The following KCNQ1 variants were observed in gnomAD, a reference collection of about 807,000 sequenced individuals.
The protein encoded by KCNQ1 is potassium voltage-gated channel subfamily Q member 1, also known as potassium voltage-gated channel subfamily KQT member 1.
A neutral mutation model predicts 72.4 loss-of-function variants in KCNQ1; 49 were observed. That is an observed-to-expected ratio of 0.68 (90% CI 0.54 to 0.86). The LOEUF is 0.86. KCNQ1 is among the 40% of genes least tolerant of loss of function. KCNQ1 has a pLI of 0.00. For missense variants in KCNQ1, 790 were observed against 945.1 expected, an observed-to-expected ratio of 0.84 and a Z score of 2.15; for synonymous variants, 450 against 412.6, an observed-to-expected ratio of 1.09 and a Z score of -1.10.
rs954873286 is a variant in KCNQ1 at position 2,658,674 on chromosome 11, G to A, written c.1394-3287G>A. ...TCATTGCTTCAGTCTCCTCTCAGTG[G>A]ACAGAGCTAGGAAATATATGTATGT... On this transcript the variant is annotated intron_variant, in intron 10 of 15. Transcript: ENST00000155840. The surrounding 1 kb of genome is among the most constrained non-coding windows in gnomAD (Gnocchi z 4.9). 7.5e-6 allele frequency: 3 copies of A among 398,416 alleles called. No individual in the cohort carries two copies. Among genetic ancestry groups the A allele is most frequent in the Non-Finnish European group, 1.3e-5 (3 of 226,022 alleles). 24.7% of individuals were successfully genotyped at this position (398,416 alleles called of 1,614,324 possible).
intron 11 of KCNQ1, among the ~76,000 whole-genome samples, chr11:2,701,130 C>G (rs774354681): frequency 6.6e-6 from 1 of 152,210 alleles, no homozygotes; most frequent in South Asian, 2.1e-4. Flanking sequence ...CCAAGGCACG[C>G]AAGGAGGCCA....
At chr11:2,469,704 C>T (rs535553885) in intron 1 of KCNQ1, among the ~76,000 whole-genome samples, 1 of 152,052 alleles carries the variant, frequency 6.6e-6, no homozygotes, top group Non-Finnish European at 1.5e-5. Context: ...GACGGAGTCT[C>T]GCTCTGTCAC....
chr11:2,646,520 T>C (rs1486221400), intron 10 of KCNQ1: 5 of 398,570 alleles, frequency 1.3e-5, no homozygotes, highest in Admixed American at 4.4e-5. Context: ...ATGCTACTGA[T>C]TTTTTGGGGG....
intron 6 of KCNQ1, among the ~76,000 whole-genome samples, chr11:2,573,484 G>A (rs1368614908): frequency 6.6e-6 from 1 of 152,310 alleles, no homozygotes; most frequent in East Asian, 1.9e-4. Flanking sequence ...GACCATGATG[G>A]CTCAAGAGAC....
intron 2 of KCNQ1, among the ~76,000 whole-genome samples, chr11:2,540,914 C>T (rs547173554): frequency 1.3e-5 from 2 of 152,154 alleles, no homozygotes; most frequent in African/African-American, 2.4e-5. Flanking sequence ...TAGTTGAAGT[C>T]GGGGGTTGAA....
intron 1 of KCNQ1, among the ~76,000 whole-genome samples, chr11:2,523,496 G>A (rs947265572): frequency 9.9e-5 from 15 of 152,178 alleles, no homozygotes; most frequent in Non-Finnish European, 1.5e-4. Context: ...CGCCGCGCCC[G>A]GCCCCACCAC....
chr11:2,531,639 C>T (rs1157222852), intron 2 of KCNQ1, among the ~76,000 whole-genome samples: 1 of 152,208 alleles, frequency 6.6e-6, no homozygotes, highest in South Asian at 2.1e-4. Flanking sequence ...CTGCAGCTCC[C>T]TCTCCTCCGG....
In KCNQ1 at chr11:2,683,477, T is replaced by C. The variant is rs893776383; in HGVS notation, c.1514+21396T>C. Reference sequence around the variant, plus strand: ...ACATATGATTCCATCAATGACAGTTTTCCTATTAAAACATAACTTGTTAAA... The same window carrying C: ...ACATATGATTCCATCAATGACAGTTCTCCTATTAAAACATAACTTGTTAAA... On this transcript the variant is annotated intron_variant, in intron 11 of 15. Coordinates refer to ENST00000155840, the MANE Select transcript of KCNQ1 (RefSeq NM_000218.3). This position sits in a 1 kb window ranked among gnomAD's most constrained non-coding sequence, Gnocchi z 4.7. 5.0e-6 allele frequency: 2 copies of C among 398,474 alleles called. No homozygotes were observed. Among genetic ancestry groups the C allele is most frequent in the Non-Finnish European group, 8.8e-6 (2 of 226,058 alleles). The allele number at this position is 398,474 out of a possible 1,614,324, so 24.7% of individuals were successfully genotyped here.
intron 15 of KCNQ1, among the ~76,000 whole-genome samples, chr11:2,846,666 C>A (rs1447600622): frequency 1.3e-5 from 2 of 152,242 alleles, no homozygotes; most frequent in Non-Finnish European, 2.9e-5. Context: ...TGCCGGCCTG[C>A]CGGCCAGGGC....
chr11:2,666,324 G>A (rs959248653), intron 11 of KCNQ1: 1 of 398,654 alleles, frequency 2.5e-6, no homozygotes, highest in Admixed American at 4.4e-5. Context: ...CCCCCACCAG[G>A]TGACTGTGAG....
At chr11:2,503,042 A>G (rs187796988) in intron 1 of KCNQ1, among the ~76,000 whole-genome samples, 348 of 152,316 alleles carry the variant, frequency 2.3e-3, no homozygotes, top group African/African-American at 7.6e-3. Flanking sequence ...AATCAAAGTG[A>G]ATTCAAGAAT....
At chr11:2,780,482 T>G (rs1302381053) in intron 15 of KCNQ1, among the ~76,000 whole-genome samples, 2 of 152,056 alleles carry the variant, frequency 1.3e-5, no homozygotes, top group Non-Finnish European at 2.9e-5. Flanking sequence ...CCAGAGCCCC[T>G]GGCCTTCCCT....
chr11:2,722,969 C>T (rs1009280781), intron 11 of KCNQ1, among the ~76,000 whole-genome samples: 2 of 152,218 alleles, frequency 1.3e-5, no homozygotes, highest in African/African-American at 4.8e-5. Context: ...GGCACTGCAG[C>T]TGCCACCTGG....
Position 2,765,686 on chromosome 11 carries a change from G to A in KCNQ1, c.1515-3158G>A, listed in dbSNP as rs1251987966. On this transcript the variant is annotated intron_variant, in intron 11 of 15. Coordinates refer to ENST00000155840, the MANE Select transcript of KCNQ1 (RefSeq NM_000218.3). ...TGCATACAAATTTAGAATTGATCTC[G>A]TCCTGCTGAATTGACACTTTTATAA... 2.0e-5 allele frequency among the ~76,000 whole-genome samples: 3 copies of A among 152,062 alleles called. 1 individual carries two copies. Among genetic ancestry groups the A allele is most frequent in the Non-Finnish European group, 1.5e-5 (1 of 68,018 alleles).
intron 10 of KCNQ1, among the ~76,000 whole-genome samples, chr11:2,604,765 G>T (rs189581205): frequency 3.3e-5 from 5 of 151,976 alleles, no homozygotes; most frequent in Non-Finnish European, 7.4e-5. Flanking sequence ...AGATGGTCTC[G>T]ATCTCCTGAC....
chr11:2,644,698 C>T, intron 10 of KCNQ1: 1 of 398,572 alleles, frequency 2.5e-6, no homozygotes. Flanking sequence ...ATCTGTCTTT[C>T]CTAAGAGAGT....
intron 15 of KCNQ1, among the ~76,000 whole-genome samples, chr11:2,792,562 A>G (rs1328180317): frequency 1.3e-5 from 2 of 152,124 alleles, no homozygotes; most frequent in Non-Finnish European, 2.9e-5. Context: ...CTGCCAGGAA[A>G]AGGTCTGTGC....
chr11:2,500,311 A>C (rs1846988941), intron 1 of KCNQ1, among the ~76,000 whole-genome samples: 1 of 152,260 alleles, frequency 6.6e-6, no homozygotes. Context: ...AATGCAAATC[A>C]AAACCACAAT....
Position 2,524,559 on chromosome 11 carries a change from C to G in KCNQ1, c.387-3369C>G, listed in dbSNP as rs528813102. On this transcript the variant is annotated intron_variant, in intron 1 of 15. Transcript: ENST00000155840. ...GGCGTGGGTAGCGGGCAGTGGCCTG[C>G]AGTCCCCAGGAGCACTTCCTGTTGC... Among the ~76,000 whole-genome samples, 123 of 152,330 alleles carry G rather than the reference C, an allele frequency of 8.1e-4. No homozygotes were observed. In the South Asian group the frequency reaches 0.015, roughly 18 times the overall value.
Sources: allele counts gnomAD v4.1 joint callset (sites outside exome capture counted in the v4.1 genomes callset), GRCh38; gene constraint gnomAD v4.1.1; non-coding constraint Gnocchi (gnomAD v3.1); transcripts MANE v1.5; gene names NCBI Gene and HGNC (gene_info 2026-07-23, HGNC 2026-07-21).